Variants in PMM2 observed in about 807,000 individuals in gnomAD.
The protein encoded by PMM2 is mannose-6-phosphate isomerase.
PMM2 carries 35 observed loss-of-function variants against 33.2 expected under a neutral mutation model. The ratio of observed to expected loss-of-function variants is 1.06; its 90% CI spans 0.81 to 1.40. PMM2 has a LOEUF of 1.40. PMM2 is among the 40% of genes most tolerant of loss of function. The pLI is 0.00. For missense variants in PMM2, 386 were observed against 306.0 expected (o/e 1.26, Z -1.95); for synonymous variants, 153 against 114.7 (o/e 1.33, Z -2.13).
intron 7 of PMM2, 35 bp from the exon 8 acceptor site, chr16:8,847,689 G>A (rs375162613): frequency 6.7e-7 from 1 of 1,484,852 alleles, no homozygotes; most frequent in South Asian, 1.1e-5. Flanking sequence ...GGACAGACGA[G>A]GGGGAGCCTT....
At chr16:8,832,221 C>T (rs867822064) in intron 7 of PMM2, 33 of 985,194 alleles carry the variant, frequency 3.3e-5, no homozygotes, top group Admixed American at 2.5e-4. Context: ...AGACCCTTGG[C>T]GGGAGAGAAA....
intron 7 of PMM2, chr16:8,832,115 T>G: frequency 5.1e-6 from 5 of 984,980 alleles, no homozygotes; most frequent in Non-Finnish European, 6.0e-6. Flanking sequence ...TTCACTTGCT[T>G]TGCAGCTACT....
intron 1 of PMM2, among the ~76,000 whole-genome samples, chr16:8,798,440 T>C (rs1429236614): frequency 1.3e-5 from 2 of 152,212 alleles, no homozygotes; most frequent in African/African-American, 4.8e-5. Context: ...CCTCAACATC[T>C]ACAGCTTTAA....
chr16:8,797,904 C>G lies in PMM2; in HGVS notation c.22C>G (p.Leu8Val). The change falls in exon 1 of 8, where the codon CTC becomes GTC. Residue 8 changes from leucine (L) to valine (V), a missense_variant. Coordinates refer to ENST00000268261, the MANE Select transcript of PMM2 (RefSeq NM_000303.3). ...GGACATGGCAGCGCCTGGCCCAGCG[C>G]TCTGCCTCTTCGACGTGGATGGGAC... MAAPGPA[L>V]CLFDVDGTLT... 1 of 1,611,506 alleles carries G rather than the reference C, an allele frequency of 6.2e-7. No homozygotes were observed. The highest frequency in any genetic ancestry group is 2.2e-5 in the East Asian group (1 of 44,810).
chr16:8,827,723 T>TGC (rs2060778416), intron 7 of PMM2, among the ~76,000 whole-genome samples: 2 of 10,096 alleles, frequency 2.0e-4, no homozygotes, highest in African/African-American at 5.7e-4. Flanking sequence ...TGTGTGCATA[T>TGC]ATATATATAT....
chr16:8,847,716 C>G lies in PMM2; in HGVS notation c.640-8C>G. On this transcript the variant is annotated splice_region_variant and splice_polypyrimidine_tract_variant and intron_variant, in intron 7 of 7. Transcript: ENST00000268261. The stretch of plus-strand genomic sequence containing the variant: ...GGGAGCCTTCATCTGTACTTCGTGT[C>G]TTTCCAGGGTGGCAATGACCATGAG... 1 of 1,607,142 alleles carries G rather than the reference C, an allele frequency of 6.2e-7. No homozygotes were observed. Among genetic ancestry groups the G allele is most frequent in the Non-Finnish European group, 8.5e-7 (1 of 1,173,860 alleles).
intron 7 of PMM2, among the ~76,000 whole-genome samples, chr16:8,837,782 C>A (rs1279001927): frequency 6.6e-6 from 1 of 151,966 alleles, no homozygotes; most frequent in Non-Finnish European, 1.5e-5. Context: ...GGCAGGCGTC[C>A]CTGCATGGTC....
At chr16:8,813,359 G>T (rs751044134) in intron 7 of PMM2, among the ~76,000 whole-genome samples, 1 of 152,148 alleles carries the variant, frequency 6.6e-6, no homozygotes, top group Non-Finnish European at 1.5e-5. Context: ...GGAATTAAAC[G>T]TTGGCCACCC....
chr16:8,836,938 G>T (rs2060852362), intron 7 of PMM2, among the ~76,000 whole-genome samples: 1 of 152,020 alleles, frequency 6.6e-6, no homozygotes, highest in African/African-American at 2.4e-5. Context: ...TGGGCAGGTG[G>T]GGGAGGGCCA....
intron 4 of PMM2, chr16:8,810,844 A>G: frequency 1.8e-6 from 1 of 569,212 alleles, no homozygotes; most frequent in South Asian, 2.0e-5. Context: ...TGATGCAATT[A>G]CATTCCTTTT....
At position 8,848,089 on chromosome 16, in the gene PMM2, C is replaced by G. The variant is rs997537492; in HGVS notation, c.*264C>G. ...CCACCCCCAGCCCCCTAGTCTAATA[C>G]CCACCCTGATACGTGCAATCATGTA... On this transcript the variant is annotated 3_prime_UTR_variant, in exon 8 of 8. Coordinates refer to ENST00000268261, the MANE Select transcript of PMM2 (RefSeq NM_000303.3). 1 of 464,420 alleles carries G rather than the reference C, an allele frequency of 2.2e-6. No homozygotes were observed. Among genetic ancestry groups the G allele is most frequent in the Admixed American group, 3.6e-5 (1 of 27,560 alleles). 28.8% of individuals were successfully genotyped at this position (464,420 alleles called of 1,614,324 possible).
intron 1 of PMM2, among the ~76,000 whole-genome samples, chr16:8,800,248 C>T (rs766494501): frequency 2.0e-5 from 3 of 151,714 alleles, no homozygotes; most frequent in African/African-American, 4.8e-5. Flanking sequence ...GTAATCCTGG[C>T]TACCTGGGAG....
chr16:8,834,895 A>C (rs1363710238), intron 7 of PMM2, among the ~76,000 whole-genome samples: 2 of 152,160 alleles, frequency 1.3e-5, no homozygotes, highest in African/African-American at 4.8e-5. Flanking sequence ...GGTATCAGGA[A>C]TAATGTGGGA....
chr16:8,840,039 T>C (rs927006149), intron 7 of PMM2, among the ~76,000 whole-genome samples: 2 of 150,694 alleles, frequency 1.3e-5, no homozygotes, highest in African/African-American at 2.4e-5. Context: ...TGTAGGGAGA[T>C]GGGAGATGTT....
chr16:8,824,049 A>G lies in PMM2; in HGVS notation c.639+10943A>G, dbSNP rs116322698. On this transcript the variant is annotated intron_variant, in intron 7 of 7. Transcript: ENST00000268261. ...TGCCATAAGTTGAGAATACTCACAAATAGTTTCCAAATTCTGGAGAAATCA... is the reference window on the plus strand; with the variant it reads ...TGCCATAAGTTGAGAATACTCACAAGTAGTTTCCAAATTCTGGAGAAATCA... Among the ~76,000 whole-genome samples, 677 of 152,374 alleles carry G rather than the reference A, an allele frequency of 4.4e-3. 5 individuals are homozygous for G. The highest frequency in any genetic ancestry group is 0.015 in the African/African-American group (639 of 41,586).
intron 7 of PMM2, among the ~76,000 whole-genome samples, chr16:8,835,929 A>G (rs1168687042): frequency 1.3e-5 from 2 of 151,824 alleles, no homozygotes; most frequent in South Asian, 2.1e-4. Context: ...GAAGGGCGGC[A>G]ATGAGATGTA....
At chr16:8,804,666 C>T (rs931094030) in intron 2 of PMM2, 101 bp from the exon 3 acceptor site, 1 of 795,006 alleles carries the variant, frequency 1.3e-6, no homozygotes, top group South Asian at 1.4e-5. Context: ...ACAGTCCTTG[C>T]TGGAGTTTAG....
chr16:8,819,766 C>T (rs1480044098), intron 7 of PMM2, among the ~76,000 whole-genome samples: 1 of 151,558 alleles, frequency 6.6e-6, no homozygotes, highest in Non-Finnish European at 1.5e-5. Flanking sequence ...GTAAATCTTC[C>T]AGCACTTCCT....
chr16:8,800,246 G>A (rs1344727039), intron 1 of PMM2, among the ~76,000 whole-genome samples: 1 of 151,706 alleles, frequency 6.6e-6, no homozygotes, highest in Non-Finnish European at 1.5e-5. Context: ...CTGTAATCCT[G>A]GCTACCTGGG....
Sources: allele counts gnomAD v4.1 joint callset (sites outside exome capture counted in the v4.1 genomes callset), GRCh38; gene constraint gnomAD v4.1.1; transcripts MANE v1.5; gene names NCBI Gene and HGNC (gene_info 2026-07-23, HGNC 2026-07-21).